The following AIM2 variants were observed in gnomAD, a reference collection of about 807,000 sequenced individuals.
AIM2 encodes absent in melanoma 2, also known as interferon-inducible protein AIM2.
Under a neutral mutation model 27.7 loss-of-function variants are expected in AIM2, and 30 were observed. That is an observed-to-expected ratio of 1.08 (90% CI 0.81 to 1.47). AIM2 has a LOEUF of 1.47. Ranked by LOEUF, AIM2 falls within the 40% of genes most tolerant of loss-of-function variation. The pLI is 0.00. For missense variants in AIM2, 358 were observed against 411.3 expected, an observed-to-expected ratio of 0.87 and a Z score of 1.12; for synonymous variants, 141 against 145.3, an observed-to-expected ratio of 0.97 and a Z score of 0.21.
intron 1 of AIM2, among the ~76,000 whole-genome samples, chr1:159,129,136 G>A (rs1394996232): frequency 6.6e-6 from 1 of 152,156 alleles, no homozygotes; most frequent in African/African-American, 2.4e-5. Flanking sequence ...CATCCTTACA[G>A]AGAAATGCAG....
chr1:159,098,897 G>GA (rs1447244079), intron 1 of AIM2, among the ~76,000 whole-genome samples: 7 of 151,812 alleles, frequency 4.6e-5, no homozygotes, highest in African/African-American at 1.7e-4. Context: ...GTGCTATGGA[G>GA]AAAAAAACAG....
downstream of AIM2, among the ~76,000 whole-genome samples, chr1:159,059,982 G>C (rs1483285400): frequency 2.6e-5 from 4 of 152,038 alleles, no homozygotes; most frequent in African/African-American, 7.2e-5. Context: ...GACCAGAGAG[G>C]ATAGAACAAC....
At chr1:159,129,427 T>G (rs1647809931) in intron 1 of AIM2, among the ~76,000 whole-genome samples, 1 of 152,212 alleles carries the variant, frequency 6.6e-6, no homozygotes. Flanking sequence ...TCTCTTCAGT[T>G]ACAGTACTAA....
At chr1:159,139,912 C>T (rs1648078613) in intron 1 of AIM2, among the ~76,000 whole-genome samples, 1 of 152,146 alleles carries the variant, frequency 6.6e-6, no homozygotes, top group African/African-American at 2.4e-5. Flanking sequence ...AATATCCTTA[C>T]CTTCTCGGAA....
At chr1:159,087,881 T>C (rs1242516292) in intron 1 of AIM2, among the ~76,000 whole-genome samples, 2 of 152,178 alleles carry the variant, frequency 1.3e-5, no homozygotes, top group African/African-American at 4.8e-5. Context: ...AAGTCTACTT[T>C]TTTTAAATGT....
chr1:159,100,693 A>C (rs1300775076), intron 1 of AIM2, among the ~76,000 whole-genome samples: 3 of 152,222 alleles, frequency 2.0e-5, no homozygotes, highest in Non-Finnish European at 4.4e-5. Context: ...AGGAAAGCAA[A>C]GCTTAGTGAA....
At chr1:159,061,410 T>G (rs932679027), downstream of AIM2, among the ~76,000 whole-genome samples, 2 of 152,126 alleles carry the variant, frequency 1.3e-5, no homozygotes, top group Non-Finnish European at 2.9e-5. Context: ...TTTTGTTTTT[T>G]GAGACAGAGT....
At chr1:159,075,256 C>G (rs1054982364) in intron 1 of AIM2, among the ~76,000 whole-genome samples, 3 of 151,964 alleles carry the variant, frequency 2.0e-5, no homozygotes, top group Non-Finnish European at 4.4e-5. Context: ...ATATATTCAG[C>G]CTTTCTCTTA....
At chr1:159,066,366 A>G (rs1227912320) in intron 3 of AIM2, 37 bp from the exon 4 acceptor site, 5 of 1,571,804 alleles carry the variant, frequency 3.2e-6, no homozygotes, top group Middle Eastern at 1.7e-4. Flanking sequence ...GCTGTGAGTC[A>G]AAAAGGTACT....
downstream of AIM2, among the ~76,000 whole-genome samples, chr1:159,061,549 T>G (rs988956536): frequency 2.2e-4 from 32 of 146,380 alleles, no homozygotes; most frequent in Non-Finnish European, 1.2e-4. Flanking sequence ...CCCACCACCG[T>G]GCCCGGCTAT....
Position 159,066,011 on chromosome 1 carries a change from G to T in AIM2, c.715C>A (p.Pro239Thr), listed in dbSNP as rs1371714096. The T allele has an allele frequency of 1.2e-6, 2 of 1,613,958 alleles. No homozygotes were observed. Among genetic ancestry groups the T allele is most frequent in the Non-Finnish European group, 1.7e-6 (2 of 1,180,028 alleles). The change falls in exon 4 of 6, where the codon CCG becomes ACG. Residue 239 changes from proline to threonine, a missense_variant. By Grantham distance (38) the Pro-to-Thr change is conservative. Coordinates refer to ENST00000368130, the MANE Select transcript of AIM2 (RefSeq NM_004833.3). The part of the protein sequence containing the change: ...DAESDQKVNV[P>T]LNIIRKAGET... ...CCAGCTTTTCTGATAATGTTCAGCG[G>T]GACATTAACCTTTTGGTCAGATTCA...
At chr1:159,127,869 C>T (rs1647764943) in intron 1 of AIM2, among the ~76,000 whole-genome samples, 1 of 152,120 alleles carries the variant, frequency 6.6e-6, no homozygotes, top group Non-Finnish European at 1.5e-5. Flanking sequence ...TTGTAGCAGC[C>T]CTTTCCCTGG....
chr1:159,134,828 T>C (rs753359755), intron 1 of AIM2, among the ~76,000 whole-genome samples: 2 of 152,180 alleles, frequency 1.3e-5, no homozygotes, highest in African/African-American at 2.4e-5. Flanking sequence ...CAAGACTCTG[T>C]TGAAAAAAAG....
the AIM2 span, among the ~76,000 whole-genome samples, chr1:159,055,462 G>A: frequency 4.5e-4 from 69 of 152,290 alleles, no homozygotes; most frequent in African/African-American, 1.6e-3. Flanking sequence ...GGCATAATTG[G>A]GTAATTTTTC....
Position 159,066,192 on chromosome 1 carries a change from A to T in AIM2, c.534T>A (p.His178Gln). The T allele has an allele frequency of 6.2e-7, 1 of 1,614,238 alleles. No individual in the cohort carries two copies. ...ATTCCTTTTCTGTAGCCACTGTAGC[A>T]TGAAACATCTCCTGCTTGCCTTCTT... ...ETQEGKQEMF[H>Q]ATVATEKEFF... The change falls in exon 4 of 6, where the codon CAT becomes CAA. Residue 178 changes from histidine (H) to glutamine (Q), a missense_variant. Coordinates refer to ENST00000368130, the MANE Select transcript of AIM2 (RefSeq NM_004833.3).
chr1:159,099,361 G>A (rs191028694), intron 1 of AIM2, among the ~76,000 whole-genome samples: 12 of 152,242 alleles, frequency 7.9e-5, no homozygotes, highest in South Asian at 4.2e-4. Context: ...TCCAGGGAGC[G>A]GCCATAGAAC....
At chr1:159,062,766 G>GC (rs770821129) in intron 5 of AIM2, 48 bp from the exon 6 acceptor site, 1 of 1,572,036 alleles carries the variant, frequency 6.4e-7, no homozygotes, top group South Asian at 1.1e-5. Flanking sequence ...TCGATGAGTG[G>GC]CCCCTCCACT....
chr1:159,063,710 C>T lies in AIM2; in HGVS notation c.817-36G>A, dbSNP rs769586913. The T allele has an allele frequency of 4.7e-5, 75 of 1,589,982 alleles. 1 individual carries two copies. The South Asian group carries it at 5.9e-4, about 12-fold the overall frequency. On this transcript the variant is annotated intron_variant, in intron 4 of 5. Transcript: ENST00000368130. ...AAATCAACACCCAGCCTCTGATAAT[C>T]GGATTAATGAATGCCGCATCAGTCA...
intron 2 of AIM2, among the ~76,000 whole-genome samples, chr1:159,072,769 G>A (rs1341815843): frequency 2.0e-5 from 3 of 152,116 alleles, no homozygotes; most frequent in Non-Finnish European, 4.4e-5. Flanking sequence ...AGAAAGCTGG[G>A]GACAAGGAGA....
Sources: allele counts gnomAD v4.1 joint callset (sites outside exome capture counted in the v4.1 genomes callset), GRCh38; gene constraint gnomAD v4.1.1; transcripts MANE v1.5; gene names NCBI Gene and HGNC (gene_info 2026-07-23, HGNC 2026-07-21).